Variants in THSD7B observed in about 807,000 individuals in gnomAD.
THSD7B encodes the protein thrombospondin type-1 domain-containing protein 7B.
Under a neutral mutation model 213.6 loss-of-function variants are expected in THSD7B, and 138 were observed. That is an observed-to-expected ratio of 0.65 (90% CI 0.56 to 0.74). THSD7B has a LOEUF of 0.74. THSD7B is among the 30% of genes least tolerant of loss of function. The pLI is 0.00. For missense variants in THSD7B, 1,931 were observed against 1,991.5 expected (o/e 0.97, Z 0.58); for synonymous variants, 742 against 687.0 (o/e 1.08, Z -1.25).
At position 136,821,190 on chromosome 2, in the gene THSD7B, T is replaced by G. The variant is rs902649262; in HGVS notation, c.-36+55503T>G. ...TGGCCAGTCTTTACAGAGTCACGTA[T>G]TTACATGGACTATTTTTTTTCCCAG... On this transcript the variant is annotated intron_variant, in intron 1 of 27. Coordinates refer to ENST00000409968, the MANE Select transcript of THSD7B (RefSeq NM_001316349.2). Among the ~76,000 whole-genome samples, 3 of 149,730 alleles carry G rather than the reference T, an allele frequency of 2.0e-5. No individual in the cohort carries two copies. The Admixed American group carries it at 2.0e-4, about 10-fold the overall frequency.
At chr2:136,807,943 C>A (rs1682313392) in intron 1 of THSD7B, among the ~76,000 whole-genome samples, 1 of 152,190 alleles carries the variant, frequency 6.6e-6, no homozygotes, top group African/African-American at 2.4e-5. Context: ...ACTGTGATTT[C>A]ATTGCTTCTG....
intron 12 of THSD7B, among the ~76,000 whole-genome samples, chr2:137,314,785 C>A (rs1299883086): frequency 6.6e-6 from 1 of 152,104 alleles, no homozygotes; most frequent in Non-Finnish European, 1.5e-5. Flanking sequence ...GTCAGTCTGC[C>A]CCTGCTGGGG....
intron 12 of THSD7B, among the ~76,000 whole-genome samples, chr2:137,379,747 A>G (rs1332680267): frequency 6.6e-6 from 1 of 152,176 alleles, no homozygotes; most frequent in African/African-American, 2.4e-5. Flanking sequence ...CAGGGGGAAG[A>G]GCTGGAGTTT....
Position 137,612,456 on chromosome 2 carries a change from G to T in THSD7B, c.3424-3719G>T, listed in dbSNP as rs990294674. 1.5e-4 allele frequency among the ~76,000 whole-genome samples: 23 copies of T among 152,148 alleles called. 1 individual carries two copies. The highest frequency in any genetic ancestry group is 5.9e-5 in the Non-Finnish European group (4 of 68,024). On this transcript the variant is annotated intron_variant, in intron 17 of 27. Transcript: ENST00000409968. ...CAAGTGGGATTTAGCATCAGGAGTG[G>T]AAGTGTCACATAAGACCTCCCATTT... is the stretch of plus-strand genomic sequence containing the variant.
At chr2:136,825,559 CTCTT>C (rs1682631936) in intron 1 of THSD7B, among the ~76,000 whole-genome samples, 1 of 151,870 alleles carries the variant, frequency 6.6e-6, no homozygotes, top group South Asian at 2.1e-4. Context: ...AGAGATTCCT[CTCTT>C]TCTTTTTTTT....
rs533874814 is a variant in THSD7B at position 137,117,004 on chromosome 2, G to T, written c.1369+1711G>T. 1.1e-4 allele frequency among the ~76,000 whole-genome samples: 16 copies of T among 152,288 alleles called. No homozygotes were observed. In the South Asian group the frequency reaches 2.5e-3, roughly 24 times the overall value. On this transcript the variant is annotated intron_variant, in intron 5 of 27. Transcript: ENST00000409968. ...GTCCAGTTCTCAGGGGGAAAGGCTG[G>T]ATGTGGGACCTGGATGTAAATACAT...
At chr2:136,878,897 C>T (rs530198128) in intron 1 of THSD7B, among the ~76,000 whole-genome samples, 15 of 152,208 alleles carry the variant, frequency 9.9e-5, no homozygotes, top group East Asian at 7.7e-4. Flanking sequence ...GTTTCTTTTG[C>T]GGTGCAGCAG....
intron 9 of THSD7B, among the ~76,000 whole-genome samples, chr2:137,241,646 C>T (rs1681907121): frequency 1.3e-5 from 2 of 152,000 alleles, no homozygotes; most frequent in Non-Finnish European, 1.5e-5. Flanking sequence ...GGCTCGGTGG[C>T]TCACGCCTGT....
intron 12 of THSD7B, among the ~76,000 whole-genome samples, chr2:137,284,954 T>G (rs1683133255): frequency 1.3e-5 from 2 of 152,118 alleles, no homozygotes. Flanking sequence ...CTGGATATCC[T>G]TGTTAACTTT....
At chr2:137,143,389 A>G (rs2104966526) in intron 5 of THSD7B, among the ~76,000 whole-genome samples, 1 of 152,266 alleles carries the variant, frequency 6.6e-6, no homozygotes, top group African/African-American at 2.4e-5. Flanking sequence ...AAGGCTGGTT[A>G]GTAATAACTG....
At chr2:137,189,628 A>T (rs1014001242) in intron 7 of THSD7B, among the ~76,000 whole-genome samples, 39 of 151,482 alleles carry the variant, frequency 2.6e-4, no homozygotes, top group African/African-American at 9.5e-4. Flanking sequence ...CTTCACACTG[A>T]CTTTCTGGTC....
chr2:137,053,468 A>C (rs1687105360), intron 2 of THSD7B, among the ~76,000 whole-genome samples: 1 of 152,162 alleles, frequency 6.6e-6, no homozygotes, highest in Admixed American at 6.5e-5. Flanking sequence ...CTGTAAAGAA[A>C]GAGGAGATGA....
Position 137,609,966 on chromosome 2 carries a change from G to A in THSD7B, c.3424-6209G>A, listed in dbSNP as rs545437938. Among the ~76,000 whole-genome samples the A allele has an allele frequency of 2.4e-4, 36 of 152,210 alleles. 1 individual carries two copies. In the South Asian group the frequency reaches 7.0e-3, roughly 30 times the overall value. On this transcript the variant is annotated intron_variant, in intron 17 of 27. Coordinates refer to ENST00000409968, the MANE Select transcript of THSD7B (RefSeq NM_001316349.2). The stretch of plus-strand genomic sequence containing the variant: ...GGTTGTAAGGTGTAAGAAAAATAAG[G>A]GAGTCAAAATTGACTTCAAACTTTT...
intron 2 of THSD7B, among the ~76,000 whole-genome samples, chr2:136,931,738 C>T (rs1684632486): frequency 6.6e-6 from 1 of 152,088 alleles, no homozygotes; most frequent in South Asian, 2.1e-4. Flanking sequence ...ATGATACATT[C>T]TACATTAACA....
intron 15 of THSD7B, among the ~76,000 whole-genome samples, chr2:137,482,880 T>G (rs1688339244): frequency 6.6e-6 from 1 of 152,132 alleles, no homozygotes; most frequent in East Asian, 1.9e-4. Flanking sequence ...AGATGCCCAA[T>G]ACAGCATAGG....
intron 7 of THSD7B, among the ~76,000 whole-genome samples, chr2:137,172,678 A>G (rs947758554): frequency 6.6e-6 from 1 of 152,134 alleles, no homozygotes; most frequent in Admixed American, 6.6e-5. Context: ...AAATTATAGG[A>G]CCTGAGGAAG....
intron 1 of THSD7B, among the ~76,000 whole-genome samples, chr2:136,814,037 C>T (rs1682431078): frequency 6.6e-6 from 1 of 152,170 alleles, no homozygotes; most frequent in South Asian, 2.1e-4. Context: ...CAATATCCCC[C>T]TGTGTTCTGT....
intron 10 of THSD7B, among the ~76,000 whole-genome samples, chr2:137,272,306 C>T (rs2117744): frequency 0.61 from 92,736 of 151,842 alleles, 29,049 homozygotes; most frequent in East Asian, 0.95. Context: ...ATTAAGACAG[C>T]GGGAAATAAT....
intron 15 of THSD7B, among the ~76,000 whole-genome samples, chr2:137,492,773 G>T (rs1241492216): frequency 2.6e-5 from 4 of 152,028 alleles, no homozygotes; most frequent in Non-Finnish European, 5.9e-5. Flanking sequence ...AATAACACAA[G>T]AACTTAGCAC....
Sources: gnomAD v4.1 joint callset for allele counts (sites outside exome capture counted in the v4.1 genomes callset) on GRCh38, gnomAD v4.1.1 for gene constraint, MANE v1.5 for transcripts, NCBI Gene and HGNC (gene_info 2026-07-23, HGNC 2026-07-21) for gene names.